Variants in DIAPH3 observed in about 807,000 individuals in gnomAD.
DIAPH3 encodes protein diaphanous homolog 3.
DIAPH3 carries 117 observed loss-of-function variants against 144.3 expected under a neutral mutation model. The ratio of observed to expected loss-of-function variants is 0.81; its 90% confidence interval spans 0.70 to 0.95. The LOEUF (loss-of-function observed/expected upper bound fraction) is 0.95, where lower values mean the gene tolerates loss of function less well. Ranked by LOEUF, DIAPH3 falls within the 40% of genes least tolerant of loss-of-function variation. The pLI, the probability that DIAPH3 is intolerant of heterozygous loss-of-function variation, is 0.00. For missense variants in DIAPH3, 1,421 were observed against 1,412.7 expected, an observed-to-expected ratio of 1.01 and a Z score of -0.09; for synonymous variants, 519 against 488.9, an observed-to-expected ratio of 1.06 and a Z score of -0.81.
At chr13:59,773,676 CAG>C (rs1490325386) in intron 27 of DIAPH3, among the ~76,000 whole-genome samples, 1 of 152,156 alleles carries the variant, frequency 6.6e-6, no homozygotes, top group East Asian at 1.9e-4. Context: ...AGATAAATAT[CAG>C]AGACTAAGTT....
chr13:59,873,803 C>A (rs2044433806), intron 21 of DIAPH3, among the ~76,000 whole-genome samples: 1 of 151,120 alleles, frequency 6.6e-6, no homozygotes, highest in Non-Finnish European at 1.5e-5. Flanking sequence ...AATAGAGTAG[C>A]TGGGATTACA....
intron 25 of DIAPH3, among the ~76,000 whole-genome samples, chr13:59,801,199 G>C (rs1208361749): frequency 6.6e-6 from 1 of 152,066 alleles, no homozygotes; most frequent in East Asian, 1.9e-4. Flanking sequence ...CTTAGTTCTT[G>C]GCCTTTGAAT....
intron 27 of DIAPH3, among the ~76,000 whole-genome samples, chr13:59,690,719 T>G (rs2033469035): frequency 6.6e-6 from 1 of 152,092 alleles, no homozygotes; most frequent in Non-Finnish European, 1.5e-5. Context: ...AGTAGAAGAT[T>G]GTTGGTCAGA....
chr13:59,846,797 C>T (rs1009187427), intron 22 of DIAPH3, among the ~76,000 whole-genome samples: 3 of 152,064 alleles, frequency 2.0e-5, no homozygotes, highest in Admixed American at 6.6e-5. Flanking sequence ...ACTGTGCTGC[C>T]GGGTGCAGTG....
chr13:59,898,153 A>G (rs1441321122), intron 20 of DIAPH3, among the ~76,000 whole-genome samples: 62 of 149,886 alleles, frequency 4.1e-4, no homozygotes, highest in South Asian at 1.5e-3. Context: ...AAAAAAAAAA[A>G]AAAGAAAAAG....
At chr13:59,915,225 A>T (rs1369802288) in intron 19 of DIAPH3, among the ~76,000 whole-genome samples, 1 of 152,128 alleles carries the variant, frequency 6.6e-6, no homozygotes, top group Non-Finnish European at 1.5e-5. Context: ...AAAGAGAAAA[A>T]AAATGCTTAA....
At position 59,983,786 on chromosome 13, in the gene DIAPH3, T is replaced by C; in HGVS notation, c.1463A>G (p.Asp488Gly). The C allele has an allele frequency of 1.9e-6, 3 of 1,604,004 alleles. No homozygotes were observed. The highest frequency in any genetic ancestry group is 2.6e-6 in the Non-Finnish European group (3 of 1,172,068). The change falls in exon 13 of 28, where the codon GAT becomes GGT. Residue 488 changes from aspartate (D) to glycine (G), a missense_variant. Asp to Gly is a moderately conservative substitution (Grantham distance 94). Coordinates refer to ENST00000400324, the MANE Select transcript of DIAPH3 (RefSeq NM_001042517.2). ...DFTYRKRLDL[D>G]LTQFVDICID... ...ATACTCACCTACAAACTGGGTTAAA[T>C]CTAAATCTAGTCTTTTTCGATATGT...
chr13:59,748,614 C>G (rs911610655), intron 27 of DIAPH3, among the ~76,000 whole-genome samples: 1 of 152,124 alleles, frequency 6.6e-6, no homozygotes. Context: ...TAAGAGGCAG[C>G]CTTTACTTTC....
At chr13:60,047,641 G>T (rs2056140813) in intron 4 of DIAPH3, among the ~76,000 whole-genome samples, 1 of 152,110 alleles carries the variant, frequency 6.6e-6, no homozygotes, top group African/African-American at 2.4e-5. Flanking sequence ...CTGGATCCTA[G>T]ACCTAAAAGT....
At chr13:59,947,027 C>A (rs1437721539) in intron 17 of DIAPH3, among the ~76,000 whole-genome samples, 3 of 152,162 alleles carry the variant, frequency 2.0e-5, no homozygotes, top group Non-Finnish European at 4.4e-5. Flanking sequence ...CTCATCAGAA[C>A]CCATTGCCTC....
At chr13:60,072,659 A>T (rs907973944) in intron 4 of DIAPH3, among the ~76,000 whole-genome samples, 15 of 152,316 alleles carry the variant, frequency 9.8e-5, no homozygotes, top group African/African-American at 3.6e-4. Flanking sequence ...AAAGGTCTCT[A>T]ACAAATCTCA....
chr13:59,918,906 C>T (rs2047372550), intron 18 of DIAPH3, among the ~76,000 whole-genome samples: 1 of 141,406 alleles, frequency 7.1e-6, no homozygotes, highest in African/African-American at 2.7e-5. Flanking sequence ...GAATTCAAAG[C>T]TGTGGTTTAA....
chr13:59,991,675 A>T (rs1378578607), intron 11 of DIAPH3, among the ~76,000 whole-genome samples: 1 of 151,966 alleles, frequency 6.6e-6, no homozygotes, highest in Non-Finnish European at 1.5e-5. Flanking sequence ...AGGAGCACAG[A>T]CGTCTGCAGA....
At chr13:59,675,542 G>A (rs914280892) in intron 27 of DIAPH3, among the ~76,000 whole-genome samples, 9 of 152,068 alleles carry the variant, frequency 5.9e-5, no homozygotes, top group Admixed American at 3.9e-4. Flanking sequence ...CCGCCACCAC[G>A]CCCGGCTAAT....
intron 27 of DIAPH3, among the ~76,000 whole-genome samples, chr13:59,755,232 G>T (rs1438401084): frequency 6.6e-6 from 1 of 152,076 alleles, no homozygotes; most frequent in Non-Finnish European, 1.5e-5. Context: ...CTAAATAAAT[G>T]TTCATTGATA....
intron 27 of DIAPH3, among the ~76,000 whole-genome samples, chr13:59,691,846 G>A (rs1219043389): frequency 6.6e-6 from 1 of 152,106 alleles, no homozygotes; most frequent in Non-Finnish European, 1.5e-5. Flanking sequence ...TTTCTTTCAT[G>A]TATAACATAA....
chr13:60,117,662 A>C (rs1369478244), intron 2 of DIAPH3, among the ~76,000 whole-genome samples: 1 of 152,156 alleles, frequency 6.6e-6, no homozygotes, highest in Non-Finnish European at 1.5e-5. Flanking sequence ...CTATGATTCC[A>C]TTCACACATG....
intron 25 of DIAPH3, among the ~76,000 whole-genome samples, chr13:59,802,566 G>GTTT (rs55975131): frequency 7.4e-6 from 1 of 135,298 alleles, no homozygotes; most frequent in Admixed American, 7.4e-5. Context: ...ACAAGGAAAA[G>GTTT]TTTTTTTTTT....
chr13:59,768,643 G>A (rs2037972351), intron 27 of DIAPH3, among the ~76,000 whole-genome samples: 1 of 152,112 alleles, frequency 6.6e-6, no homozygotes, highest in African/African-American at 2.4e-5. Flanking sequence ...CATCTTGTGT[G>A]CCTCCCTTAG....
Sources: allele counts gnomAD v4.1 joint callset (sites outside exome capture counted in the v4.1 genomes callset), GRCh38; gene constraint gnomAD v4.1.1; transcripts MANE v1.5; gene names NCBI Gene and HGNC (gene_info 2026-07-23, HGNC 2026-07-21).